Variants in CSGALNACT2 observed in about 807,000 individuals in gnomAD.
CSGALNACT2 encodes the protein chondroitin sulfate N-acetylgalactosaminyltransferase 2, also known as beta 4 GalNAcT-2.
Under a neutral mutation model 55.3 loss-of-function variants are expected in CSGALNACT2, and 35 were observed. The observed-to-expected ratio is 0.63, with a 90% CI of 0.48 to 0.84. The LOEUF is 0.84. CSGALNACT2 is among the 40% of genes least tolerant of loss of function. CSGALNACT2 has a pLI of 0.00. For missense variants in CSGALNACT2, 544 were observed against 657.5 expected (o/e 0.83, Z 1.89); for synonymous variants, 196 against 224.9 (o/e 0.87, Z 1.15).
chr10:43,157,740 T>C (rs77283367), intron 2 of CSGALNACT2, among the ~76,000 whole-genome samples: 6,663 of 152,084 alleles, frequency 0.044, 181 homozygotes, highest in South Asian at 0.089. Context: ...TACTTAAAAA[T>C]CAGATTGCCA....
chr10:43,183,816 T>C lies in CSGALNACT2; in HGVS notation c.*274T>C. ...GTTGTTTTGAGTTAGTTCTACCTGGTGCCCATGTTCTGATTGTGTGTGGGA... is the reference window on the plus strand; with the variant it reads ...GTTGTTTTGAGTTAGTTCTACCTGGCGCCCATGTTCTGATTGTGTGTGGGA... On this transcript the variant is annotated 3_prime_UTR_variant, in exon 8 of 8. Transcript: ENST00000374466. 1 of 440,590 alleles carries C rather than the reference T, an allele frequency of 2.3e-6. No homozygotes were observed. Among genetic ancestry groups the C allele is most frequent in the South Asian group, 2.3e-5 (1 of 44,440 alleles). The allele number at this position is 440,590 out of a possible 1,614,324, so 27.3% of individuals were successfully genotyped here.
intron 4 of CSGALNACT2, among the ~76,000 whole-genome samples, chr10:43,161,637 A>C (rs1275247233): frequency 6.6e-6 from 1 of 152,176 alleles, no homozygotes; most frequent in African/African-American, 2.4e-5. Context: ...TGATGTATAT[A>C]GACACAATTC....
rs768701440 is a variant in CSGALNACT2, at chr10:43,183,343, C to T, written c.1430C>T (p.Pro477Leu). 3.7e-5 allele frequency: 59 copies of T among 1,613,878 alleles called. No individual in the cohort carries two copies. The highest frequency in any genetic ancestry group is 4.7e-5 in the Non-Finnish European group (55 of 1,179,944). ...GGTGACCTCATTGTGATTCGGACTCCGGTTCCTGGTCTTTTCCACCTCTGG... is the reference window on the plus strand; with the variant it reads ...GGTGACCTCATTGTGATTCGGACTCTGGTTCCTGGTCTTTTCCACCTCTGG... ...LHGDLIVIRT[P>L]VPGLFHLWHE... The change falls in exon 8 of 8, where the codon CCG becomes CTG. Residue 477 changes from proline to leucine, a missense_variant. By Grantham distance (98) the Pro-to-Leu change is moderately conservative. Transcript: ENST00000374466.
chr10:43,173,495 A>G (rs554126933), intron 6 of CSGALNACT2, among the ~76,000 whole-genome samples: 1 of 152,324 alleles, frequency 6.6e-6, no homozygotes, highest in South Asian at 2.1e-4. Context: ...GTTTCCTTCT[A>G]CTTTCCTTTG....
intron 6 of CSGALNACT2, among the ~76,000 whole-genome samples, chr10:43,170,097 T>C (rs1839353769): frequency 6.6e-6 from 1 of 152,176 alleles, no homozygotes; most frequent in Non-Finnish European, 1.5e-5. Flanking sequence ...TCTAAACATT[T>C]GTTGATGTAA....
Position 43,184,975 on chromosome 10 carries a change from GT to G in CSGALNACT2, c.*1437del, listed in dbSNP as rs1466229255. 6.6e-6 allele frequency: 1 copy of G among 152,024 alleles called. No homozygotes were observed. Among genetic ancestry groups the G allele is most frequent in the African/African-American group, 2.4e-5 (1 of 41,418 alleles). The allele number at this position is 152,024 out of a possible 1,614,324, so 9.4% of individuals were successfully genotyped here. A position where few individuals can be genotyped will look rare whatever the true frequency, so the allele number is the denominator to read the frequency against. ...AACTCTTACCTAATTATTCTTACAA[GT>G]TTTAAGTTGTGGTAGTTTAGTGATT... On this transcript the variant is annotated 3_prime_UTR_variant, in exon 8 of 8. Coordinates refer to ENST00000374466, the MANE Select transcript of CSGALNACT2 (RefSeq NM_018590.5).
intron 1 of CSGALNACT2, among the ~76,000 whole-genome samples, chr10:43,145,410 CTTTT>C (rs71016727): frequency 1.0e-5 from 1 of 99,420 alleles, no homozygotes; most frequent in African/African-American, 3.9e-5. Flanking sequence ...TTGTTTGTTT[CTTTT>C]TTTTTTTTTT....
At chr10:43,170,104 G>A (rs1460466261) in intron 6 of CSGALNACT2, among the ~76,000 whole-genome samples, 1 of 152,172 alleles carries the variant, frequency 6.6e-6, no homozygotes, top group East Asian at 1.9e-4. Flanking sequence ...ATTTGTTGAT[G>A]TAATAGTGTA....
chr10:43,162,193 G>C, intron 4 of CSGALNACT2: 1 of 519,220 alleles, frequency 1.9e-6, no homozygotes, highest in South Asian at 1.4e-5. Flanking sequence ...TCATTCTCCT[G>C]TTGCAGATTG....
chr10:43,163,683 G>A, intron 4 of CSGALNACT2, 183 bp from the exon 5 acceptor site: 2 of 985,384 alleles, frequency 2.0e-6, no homozygotes, highest in Non-Finnish European at 2.4e-6. Flanking sequence ...TGGGCATTTG[G>A]TGAATATCTC....
chr10:43,172,137 C>T (rs1310607269), intron 6 of CSGALNACT2, among the ~76,000 whole-genome samples: 2 of 152,140 alleles, frequency 1.3e-5, no homozygotes, highest in East Asian at 3.8e-4. Context: ...ACAGTCTTTC[C>T]TGGGGAAGTA....
intron 6 of CSGALNACT2, 30 bp downstream of exon 6, chr10:43,167,128 G>C (rs774327814): frequency 7.4e-7 from 1 of 1,344,204 alleles, no homozygotes; most frequent in Admixed American, 1.7e-5. Flanking sequence ...AGTTATGAAA[G>C]ACTCTAAAGA....
At chr10:43,167,156 T>C (rs1839284439) in intron 6 of CSGALNACT2, 58 bp downstream of exon 6, 1 of 1,101,138 alleles carries the variant, frequency 9.1e-7, no homozygotes, top group Admixed American at 1.9e-5. Context: ...TAGATGTTTG[T>C]TGTGTAAGTA....
chr10:43,141,224 T>C (rs75054236), intron 1 of CSGALNACT2, among the ~76,000 whole-genome samples: 1 of 151,824 alleles, frequency 6.6e-6, no homozygotes, highest in African/African-American at 2.4e-5. Flanking sequence ...ACAAATAATT[T>C]TTTTTTTTTT....
Position 43,158,788 on chromosome 10 carries a change from T to C in CSGALNACT2, c.735T>C (p.Tyr245=), listed in dbSNP as rs766891651. 1 of 1,612,262 alleles carries C rather than the reference T, an allele frequency of 6.2e-7. No individual in the cohort carries two copies. Among genetic ancestry groups the C allele is most frequent in the South Asian group, 1.1e-5 (1 of 91,040 alleles). Residue 245 remains tyrosine, a synonymous_variant, in exon 3 of 8, where the codon TAT becomes TAC. Coordinates refer to ENST00000374466, the MANE Select transcript of CSGALNACT2 (RefSeq NM_018590.5). ...TTAAGAAAGCAGACCTTACGGAATA[T>C]AGACATGTGACCCTCTTCCGCCCTT... ...LFFKKADLTE[Y]RHVTLFRPFG... is the part of the protein sequence containing the mutation.
At chr10:43,167,545 C>T (rs946953945) in intron 6 of CSGALNACT2, among the ~76,000 whole-genome samples, 1 of 152,082 alleles carries the variant, frequency 6.6e-6, no homozygotes, top group Admixed American at 6.6e-5. Flanking sequence ...ATTGCCAAAG[C>T]TAATTTTATG....
At chr10:43,160,683 G>A in intron 4 of CSGALNACT2, 88 bp downstream of exon 4, 1 of 702,242 alleles carries the variant, frequency 1.4e-6, no homozygotes, top group Non-Finnish European at 2.5e-6. Context: ...ATAATTTTTA[G>A]TAACTATTAT....
rs144114339 is a variant in CSGALNACT2, at chr10:43,175,231, C to T, written c.1255-720C>T. 5.9e-3 allele frequency among the ~76,000 whole-genome samples: 902 copies of T among 152,332 alleles called. 10 individuals are homozygous for T. The highest frequency in any genetic ancestry group is 0.026 in the Admixed American group (391 of 15,300). ...ACCCATAGACAATTTGTAAACAGAT[C>T]AACACAACTACGTTCCACTAAAATT... is the stretch of plus-strand genomic sequence containing the variant. On this transcript the variant is annotated intron_variant, in intron 6 of 7. Transcript: ENST00000374466.
rs199502424 is a variant in CSGALNACT2, at chr10:43,142,404, G to A, written c.-254+3837G>A. Among the ~76,000 whole-genome samples, 8 of 152,066 alleles carry A rather than the reference G, an allele frequency of 5.3e-5. No homozygotes were observed. The Middle Eastern group carries it at 0.01, about 194-fold the overall frequency. On this transcript the variant is annotated intron_variant, in intron 1 of 7. Transcript: ENST00000374466. Reference sequence around the variant, plus strand: ...TTTTTAGTAGAGACGGGGTTTCACCGTGTTCCTCAGGCTGGTCTTGAACTC... The same window carrying A: ...TTTTTAGTAGAGACGGGGTTTCACCATGTTCCTCAGGCTGGTCTTGAACTC...
Sources: allele counts gnomAD v4.1 joint callset (sites outside exome capture counted in the v4.1 genomes callset), GRCh38; gene constraint gnomAD v4.1.1; transcripts MANE v1.5; gene names NCBI Gene and HGNC (gene_info 2026-07-23, HGNC 2026-07-21).